Variants in FOXK1 observed in about 807,000 individuals in gnomAD.
The protein encoded by FOXK1 is forkhead box K1, also known as forkhead box protein K1.
Under a neutral mutation model 51.9 loss-of-function variants are expected in FOXK1, and 19 were observed. The observed-to-expected ratio is 0.37, with a 90% CI of 0.26 to 0.54. FOXK1 has a LOEUF of 0.54. Ranked by LOEUF, FOXK1 falls within the 20% of genes least tolerant of loss-of-function variation. The probability of loss-of-function intolerance (pLI) is 0.87; values close to 1 mark genes in which losing one functional copy is unlikely to be tolerated. For missense variants in FOXK1, 870 were observed against 1,032.7 expected, an observed-to-expected ratio of 0.84 and a Z score of 2.16; for synonymous variants, 537 against 482.6, an observed-to-expected ratio of 1.11 and a Z score of -1.48.
Position 4,729,458 on chromosome 7 carries a change from G to A in FOXK1, c.561-11380G>A, listed in dbSNP as rs1201407377. On this transcript the variant is annotated intron_variant, in intron 1 of 8. Coordinates refer to ENST00000328914, the MANE Select transcript of FOXK1 (RefSeq NM_001037165.2). The surrounding 1 kb of genome is among the most constrained non-coding windows in gnomAD (Gnocchi z 6.2). ...TTCCTTCCGCGAAGGGAAGGTGGGG[G>A]GATTTTGAAGGAGCTGTGAACACCG... 1.3e-5 allele frequency among the ~76,000 whole-genome samples: 2 copies of A among 152,172 alleles called. No homozygotes were observed. The highest frequency in any genetic ancestry group is 2.9e-5 in the Non-Finnish European group (2 of 68,024).
Position 4,734,708 on chromosome 7 carries a change from G to C in FOXK1, c.561-6130G>C, listed in dbSNP as rs561335400. On this transcript the variant is annotated intron_variant, in intron 1 of 8. Coordinates refer to ENST00000328914, the MANE Select transcript of FOXK1 (RefSeq NM_001037165.2). This position sits in a 1 kb window ranked among gnomAD's most constrained non-coding sequence, Gnocchi z 5.2. ...AGCTGGGCTCAGCTCTGGAAGCTTG[G>C]GGGGCTGAGAGCCTCTGGTCCTCCT... Among the ~76,000 whole-genome samples the C allele has an allele frequency of 3.7e-3, 565 of 152,242 alleles. 3 individuals carry two copies. The highest frequency in any genetic ancestry group is 0.013 in the African/African-American group (530 of 41,576).
chr7:4,743,486 G>T lies in FOXK1; in HGVS notation c.746+2463G>T, dbSNP rs150006499. 0.012 allele frequency among the ~76,000 whole-genome samples: 1,882 copies of T among 152,306 alleles called. 39 individuals carry two copies. Among genetic ancestry groups the T allele is most frequent in the African/African-American group, 0.044 (1,810 of 41,560 alleles). ...ACTGGCTTGAACCCAGGAGGTGAAG[G>T]TTGCAGTGAGCTGAGATCACGCGAC... On this transcript the variant is annotated intron_variant, in intron 2 of 8. Coordinates refer to ENST00000328914, the MANE Select transcript of FOXK1 (RefSeq NM_001037165.2). The surrounding 1 kb of genome is among the most constrained non-coding windows in gnomAD (Gnocchi z 5.3).
At position 4,734,992 on chromosome 7, in the gene FOXK1, G is replaced by A. The variant is rs1054643739; in HGVS notation, c.561-5846G>A. 4.6e-5 allele frequency among the ~76,000 whole-genome samples: 7 copies of A among 152,124 alleles called. No individual in the cohort carries two copies. Among genetic ancestry groups the A allele is most frequent in the African/African-American group, 1.7e-4 (7 of 41,414 alleles). On this transcript the variant is annotated intron_variant, in intron 1 of 8. Coordinates refer to ENST00000328914, the MANE Select transcript of FOXK1 (RefSeq NM_001037165.2). The surrounding 1 kb of genome is among the most constrained non-coding windows in gnomAD (Gnocchi z 5.2). ...CTCTGAGTCTGAAATGATGACAATTGTATTTATATTTATGTCATCGAGAAT... is the reference window on the plus strand; with the variant it reads ...CTCTGAGTCTGAAATGATGACAATTATATTTATATTTATGTCATCGAGAAT...
Position 4,754,696 on chromosome 7 carries a change from C to T in FOXK1, c.903+81C>T. ...GACCCGGCGCGGGCGGCACAGACAG[C>T]CCAGGGCCTGCGGGCGTGTGCTCGA... On this transcript the variant is annotated intron_variant, in intron 3 of 8. Transcript: ENST00000328914. 3 of 1,490,328 alleles carry T rather than the reference C, an allele frequency of 2.0e-6. No individual in the cohort carries two copies. The South Asian group carries it at 3.7e-5, about 18-fold the overall frequency. The allele number at this position is 1,490,328 out of a possible 1,614,324, so 92.3% of individuals were successfully genotyped here. A position where few individuals can be genotyped will look rare whatever the true frequency, so the allele number is the denominator to read the frequency against.
chr7:4,691,188 T>G (rs1779886824), intron 1 of FOXK1, among the ~76,000 whole-genome samples: 1 of 152,120 alleles, frequency 6.6e-6, no homozygotes. Flanking sequence ...ATTTCTACAG[T>G]GTTGATGATG....
At chr7:4,692,841 C>G (rs1779909946) in intron 1 of FOXK1, among the ~76,000 whole-genome samples, 1 of 152,198 alleles carries the variant, frequency 6.6e-6, no homozygotes, top group Admixed American at 6.5e-5. Flanking sequence ...GTCCTCCTGC[C>G]TCAGCCTCCC....
Position 4,770,702 on chromosome 7 carries a change from A to C in FOXK1, c.*8238A>C, listed in dbSNP as rs1398424247. ...CAGAGTCTGTCCTGAGATGTCGCTG[A>C]GTCCAGACACTTGGGCTGCACGTGC... On this transcript the variant is annotated 3_prime_UTR_variant, in exon 9 of 9. Coordinates refer to ENST00000328914, the MANE Select transcript of FOXK1 (RefSeq NM_001037165.2). 1 of 152,166 alleles carries C rather than the reference A, an allele frequency of 6.6e-6. No individual in the cohort carries two copies. The highest frequency in any genetic ancestry group is 1.5e-5 in the Non-Finnish European group (1 of 68,048). The allele number at this position is 152,166 out of a possible 1,614,324, so 9.4% of individuals were successfully genotyped here.
intron 2 of FOXK1, among the ~76,000 whole-genome samples, chr7:4,754,009 T>C (rs1015558110): frequency 6.6e-6 from 1 of 152,218 alleles, no homozygotes; most frequent in Admixed American, 6.5e-5. Flanking sequence ...TTCCAGGATC[T>C]GCCTCTGTGA....
chr7:4,770,864 G>GGTGTGTGTGTGT lies in FOXK1; in HGVS notation c.*8427_*8438dup, dbSNP rs56204828. 1.4e-4 allele frequency: 19 copies of GGTGTGTGTGTGT among 140,368 alleles called. No individual in the cohort carries two copies. The highest frequency in any genetic ancestry group is 5.1e-4 in the African/African-American group (19 of 37,326). The allele number at this position is 140,368 out of a possible 1,614,324, so 8.7% of individuals were successfully genotyped here. On this transcript the variant is annotated 3_prime_UTR_variant, in exon 9 of 9. Transcript: ENST00000328914. ...AATTTGGGAGGGGCGGGTGTTGTTC[G>GGTGTGTGTGTGT]GTGTGTGTGTGTGTGTGTGTGTGTG...
Position 4,766,613 on chromosome 7 carries a change from GGGA to G in FOXK1, c.*4154_*4156del, listed in dbSNP as rs1455238012. 3 of 152,318 alleles carry G rather than the reference GGGA, an allele frequency of 2.0e-5. No individual in the cohort carries two copies. Among genetic ancestry groups the G allele is most frequent in the Admixed American group, 6.5e-5 (1 of 15,290 alleles). 9.4% of individuals were successfully genotyped at this position (152,318 alleles called of 1,614,324 possible). On this transcript the variant is annotated 3_prime_UTR_variant, in exon 9 of 9. Transcript: ENST00000328914. The surrounding 1 kb of genome is among the most constrained non-coding windows in gnomAD (Gnocchi z 5.5). ...TACCACGCTCTGTGCTTCTCAGGCA[GGGA>G]GGAGATGGATTCGGTGGAGTTGGGC...
Position 4,767,461 on chromosome 7 carries a change from C to T in FOXK1, c.*4997C>T, listed in dbSNP as rs1277240088. The stretch of plus-strand genomic sequence containing the variant: ...TTACCCACAGCCTCGCCTCGAGCCT[C>T]CTTGACAATACCGCTGCTTCAAAGC... On this transcript the variant is annotated 3_prime_UTR_variant, in exon 9 of 9. Coordinates refer to ENST00000328914, the MANE Select transcript of FOXK1 (RefSeq NM_001037165.2). This position sits in a 1 kb window ranked among gnomAD's most constrained non-coding sequence, Gnocchi z 6.6. 1 of 152,230 alleles carries T rather than the reference C, an allele frequency of 6.6e-6. No homozygotes were observed. The allele number at this position is 152,230 out of a possible 1,614,324, so 9.4% of individuals were successfully genotyped here.
chr7:4,701,233 G>A (rs1260259003), intron 1 of FOXK1, among the ~76,000 whole-genome samples: 2 of 152,162 alleles, frequency 1.3e-5, no homozygotes, highest in East Asian at 3.9e-4. Flanking sequence ...TGCTTATCTA[G>A]AGAATGGGAG....
chr7:4,691,146 A>C (rs1779886358), intron 1 of FOXK1, among the ~76,000 whole-genome samples: 1 of 152,186 alleles, frequency 6.6e-6, no homozygotes, highest in Non-Finnish European at 1.5e-5. Context: ...AATCGGAGGA[A>C]CCAGGGTTCA....
rs1003361633 is a variant in FOXK1 at position 4,763,417 on chromosome 7, C to G, written c.*953C>G. ...CACATGGGGACCTAACAGTGCCAAA[C>G]GCCATCTGCTCCAGCTGCTTTTTCA... On this transcript the variant is annotated 3_prime_UTR_variant, in exon 9 of 9. Transcript: ENST00000328914. 6.6e-6 allele frequency: 1 copy of G among 152,382 alleles called. No homozygotes were observed. Among genetic ancestry groups the G allele is most frequent in the Non-Finnish European group, 1.5e-5 (1 of 68,162 alleles). The allele number at this position is 152,382 out of a possible 1,614,324, so 9.4% of individuals were successfully genotyped here.
chr7:4,744,010 G>C (rs1222713488), intron 2 of FOXK1, among the ~76,000 whole-genome samples: 2 of 151,988 alleles, frequency 1.3e-5, no homozygotes. Flanking sequence ...GAGAGTAGGT[G>C]GGAATACAGG....
At chr7:4,739,541 T>C (rs773604210) in intron 1 of FOXK1, among the ~76,000 whole-genome samples, 8 of 152,230 alleles carry the variant, frequency 5.3e-5, no homozygotes, top group Admixed American at 2.0e-4. Flanking sequence ...GGCAGTTTCT[T>C]CAAGCCAGAT....
chr7:4,737,044 C>T (rs895224115), intron 1 of FOXK1, among the ~76,000 whole-genome samples: 2 of 152,188 alleles, frequency 1.3e-5, no homozygotes, highest in Non-Finnish European at 2.9e-5. Flanking sequence ...CCATGCTCCT[C>T]TTCTGTGCGT....
intron 2 of FOXK1, among the ~76,000 whole-genome samples, chr7:4,751,242 C>T (rs990103075): frequency 2.0e-5 from 3 of 151,294 alleles, no homozygotes; most frequent in Admixed American, 6.6e-5. Flanking sequence ...GATGGTCTCG[C>T]TCTCCTGACC....
At position 4,758,316 on chromosome 7, in the gene FOXK1, C is replaced by T. The variant is rs1780881170; in HGVS notation, c.1245-735C>T. 2 of 152,300 alleles carry T rather than the reference C, an allele frequency of 1.3e-5. No individual in the cohort carries two copies. Among genetic ancestry groups the T allele is most frequent in the African/African-American group, 4.8e-5 (2 of 41,458 alleles). The allele number at this position is 152,300 out of a possible 1,614,324, so 9.4% of individuals were successfully genotyped here. Reference sequence around the variant, plus strand: ...TGCCCAGCTCAGTCTTGGCCAAGCCCAGTCTGGAGGAGCATGCACCGCCTG... The same window carrying T: ...TGCCCAGCTCAGTCTTGGCCAAGCCTAGTCTGGAGGAGCATGCACCGCCTG... On this transcript the variant is annotated intron_variant, in intron 5 of 8. Coordinates refer to ENST00000328914, the MANE Select transcript of FOXK1 (RefSeq NM_001037165.2). The surrounding 1 kb of genome is among the most constrained non-coding windows in gnomAD (Gnocchi z 4.4).
Sources: allele counts gnomAD v4.1 joint callset (sites outside exome capture counted in the v4.1 genomes callset), GRCh38; gene constraint gnomAD v4.1.1; non-coding constraint Gnocchi (gnomAD v3.1); transcripts MANE v1.5; gene names NCBI Gene and HGNC (gene_info 2026-07-23, HGNC 2026-07-21).